GSN: variants seen among roughly 807,000 people sequenced by gnomAD.
GSN encodes the protein gelsolin.
GSN carries 56 observed loss-of-function variants against 85.7 expected under a neutral mutation model. The observed-to-expected ratio is 0.65, with a 90% CI of 0.53 to 0.82. The LOEUF is 0.82. Ranked by LOEUF, GSN falls within the 40% of genes least tolerant of loss-of-function variation. GSN has a pLI of 0.00. For synonymous variants in GSN, 373 were observed against 399.1 expected (o/e 0.93, Z 0.78); for missense variants, 857 against 979.8 (o/e 0.87, Z 1.67).
At chr9:121,216,328 T>G (rs1363118008) in intron 4 of GSN, among the ~76,000 whole-genome samples, 1 of 152,174 alleles carries the variant, frequency 6.6e-6, no homozygotes, top group African/African-American at 2.4e-5. Flanking sequence ...CTCCCATGCT[T>G]AGTAACCCTC....
At chr9:121,326,746 C>A in intron 13 of GSN, 64 bp downstream of exon 13, 1 of 1,360,598 alleles carries the variant, frequency 7.3e-7, no homozygotes, top group Non-Finnish European at 1.1e-6. Flanking sequence ...GCTCAATGAC[C>A]AGATCTCCAG....
At chr9:121,223,095 A>T (rs1387656256) in intron 4 of GSN, 1 of 151,986 alleles carries the variant, frequency 6.6e-6, no homozygotes, top group Non-Finnish European at 1.5e-5. Context: ...TACAGGAGGG[A>T]CATATAGCCG....
chr9:121,269,974 G>A (rs1216435351), intron 1 of GSN, among the ~76,000 whole-genome samples: 1 of 152,196 alleles, frequency 6.6e-6, no homozygotes, highest in Non-Finnish European at 1.5e-5. Flanking sequence ...TCCTCAAGAT[G>A]CTTGCCATCT....
At chr9:121,321,540 C>A (rs1010113625) in intron 11 of GSN, 139 bp downstream of exon 11, 2 of 715,996 alleles carry the variant, frequency 2.8e-6, no homozygotes, top group African/African-American at 1.8e-5. Flanking sequence ...CACAGGGCAA[C>A]ACCATTTGCT....
intron 6 of GSN, among the ~76,000 whole-genome samples, chr9:121,253,248 G>A (rs911276762): frequency 1.6e-4 from 24 of 152,222 alleles, no homozygotes; most frequent in African/African-American, 5.5e-4. Flanking sequence ...CTTCCAGTCC[G>A]TTGCATAACC....
chr9:121,260,727 G>A (rs751966999), intron 6 of GSN, among the ~76,000 whole-genome samples: 6 of 152,228 alleles, frequency 3.9e-5, no homozygotes, highest in South Asian at 2.1e-4. Flanking sequence ...GAGACACGGG[G>A]TGGAACTCGG....
chr9:121,295,199 C>T (rs2059095645), intron 2 of GSN, among the ~76,000 whole-genome samples: 1 of 152,216 alleles, frequency 6.6e-6, no homozygotes, highest in South Asian at 2.1e-4. Context: ...ACCATTCTCC[C>T]CCTTTTAGAG....
intron 10 of GSN, among the ~76,000 whole-genome samples, chr9:121,320,774 A>C (rs2062333114): frequency 6.6e-6 from 1 of 152,230 alleles, no homozygotes; most frequent in African/African-American, 2.4e-5. Context: ...CCTACAGAGC[A>C]GTCCCTTTGT....
At chr9:121,248,008 A>T (rs1207413807) in intron 5 of GSN, among the ~76,000 whole-genome samples, 1 of 152,154 alleles carries the variant, frequency 6.6e-6, no homozygotes, top group Non-Finnish European at 1.5e-5. Flanking sequence ...CATAGAAATG[A>T]ATAAGGTGCT....
intron 2 of GSN, among the ~76,000 whole-genome samples, chr9:121,287,215 C>T (rs1043352375): frequency 6.6e-6 from 1 of 152,058 alleles, no homozygotes; most frequent in Non-Finnish European, 1.5e-5. Flanking sequence ...GTGACTCAGC[C>T]CTGAGTCACC....
chr9:121,318,629 C>A lies in GSN; in HGVS notation c.976-36C>A, dbSNP rs376861699. On this transcript the variant is annotated intron_variant, in intron 9 of 17. Coordinates refer to ENST00000432226, the MANE Select transcript of GSN (RefSeq NM_198252.3). This position sits in a 1 kb window ranked among gnomAD's most constrained non-coding sequence, Gnocchi z 4.3. ...CCCCTGGGGACCCCTGCTGGGCAGC[C>A]CAGCCACATCCTGCTCCTCTGCCTC... 9 of 1,557,008 alleles carry A rather than the reference C, an allele frequency of 5.8e-6. No individual in the cohort carries two copies. The African/African-American group carries it at 1.1e-4, about 19-fold the overall frequency.
At chr9:121,235,314 C>T (rs2054471508) in intron 5 of GSN, among the ~76,000 whole-genome samples, 1 of 152,222 alleles carries the variant, frequency 6.6e-6, no homozygotes, top group African/African-American at 2.4e-5. Flanking sequence ...CAGAAGCAGC[C>T]ACCCTACTGG....
At chr9:121,219,714 T>C (rs925783521) in intron 4 of GSN, among the ~76,000 whole-genome samples, 1 of 152,130 alleles carries the variant, frequency 6.6e-6, no homozygotes, top group Non-Finnish European at 1.5e-5. Context: ...CCATATTTGG[T>C]GTAAAAATGA....
At chr9:121,304,679 T>C (rs1181093711) in intron 4 of GSN, among the ~76,000 whole-genome samples, 34 of 152,244 alleles carry the variant, frequency 2.2e-4, no homozygotes, top group Non-Finnish European at 4.4e-5. Flanking sequence ...GATATGGTAC[T>C]GGGAATGTAG....
intron 6 of GSN, among the ~76,000 whole-genome samples, chr9:121,262,393 T>C (rs774832910): frequency 6.6e-6 from 1 of 152,178 alleles, no homozygotes; most frequent in Admixed American, 6.5e-5. Flanking sequence ...ATACCTAACT[T>C]AGAGGGCAAT....
intron 2 of GSN, chr9:121,286,264 G>A (rs886392698): frequency 7.6e-6 from 7 of 917,276 alleles, no homozygotes; most frequent in African/African-American, 1.6e-5. Context: ...GGAAAGTCCC[G>A]CTCCTGACTC....
At chr9:121,268,550 G>A (rs945999342) in intron 1 of GSN, among the ~76,000 whole-genome samples, 2 of 152,114 alleles carry the variant, frequency 1.3e-5, no homozygotes, top group Non-Finnish European at 1.5e-5. Flanking sequence ...GGTCACCCCT[G>A]CACTTGGGTT....
At chr9:121,240,982 G>A (rs1306907700) in intron 5 of GSN, among the ~76,000 whole-genome samples, 2 of 152,078 alleles carry the variant, frequency 1.3e-5, no homozygotes, top group Admixed American at 6.6e-5. Context: ...ATTTGCAGAT[G>A]GTATAATTCC....
intron 6 of GSN, among the ~76,000 whole-genome samples, chr9:121,250,817 G>A (rs2054809721): frequency 6.6e-6 from 1 of 151,446 alleles, no homozygotes; most frequent in African/African-American, 2.4e-5. Context: ...GGTTACAGGT[G>A]TGAGCCACCA....
Sources: gnomAD v4.1 joint callset for allele counts (sites outside exome capture counted in the v4.1 genomes callset) on GRCh38, gnomAD v4.1.1 for gene constraint, Gnocchi (gnomAD v3.1) non-coding constraint, MANE v1.5 for transcripts, NCBI Gene and HGNC (gene_info 2026-07-23, HGNC 2026-07-21) for gene names.